Variants in ARHGAP17 observed in about 807,000 individuals in gnomAD.
ARHGAP17 encodes Rho GTPase activating protein 17.
A neutral mutation model predicts 99.5 loss-of-function variants in ARHGAP17; 57 were observed. That is an observed-to-expected ratio of 0.57 (90% confidence interval 0.46 to 0.71). The LOEUF (loss-of-function observed/expected upper bound fraction) is 0.71, where lower values mean the gene tolerates loss of function less well. Ranked by LOEUF, ARHGAP17 falls within the 30% of genes least tolerant of loss-of-function variation. The pLI is 0.00. For synonymous variants in ARHGAP17, 417 were observed against 429.6 expected, an observed-to-expected ratio of 0.97 and a Z score of 0.36; for missense variants, 1,000 against 1,122.4, an observed-to-expected ratio of 0.89 and a Z score of 1.56.
intron 4 of ARHGAP17, among the ~76,000 whole-genome samples, chr16:24,969,428 T>C (rs933943558): frequency 1.3e-5 from 2 of 152,116 alleles, no homozygotes; most frequent in Non-Finnish European, 2.9e-5. Context: ...GTCAGGAACA[T>C]GCTCTCTGGT....
intron 12 of ARHGAP17, among the ~76,000 whole-genome samples, chr16:24,951,528 C>A (rs1364478738): frequency 6.6e-6 from 1 of 152,120 alleles, no homozygotes; most frequent in Non-Finnish European, 1.5e-5. Context: ...CTCGGACAAT[C>A]TGAAAAAACT....
chr16:24,935,882 G>T, intron 17 of ARHGAP17: 1 of 494,768 alleles, frequency 2.0e-6, no homozygotes. Flanking sequence ...ATGTTGCCCA[G>T]GTTGGTCTCA....
At chr16:24,970,873 A>G (rs1433975502) in intron 3 of ARHGAP17, among the ~76,000 whole-genome samples, 1 of 151,908 alleles carries the variant, frequency 6.6e-6, no homozygotes, top group Non-Finnish European at 1.5e-5. Flanking sequence ...TCTGCTTATT[A>G]TTATTTTTGT....
At chr16:24,930,497 G>A (rs1018535482) in intron 19 of ARHGAP17, among the ~76,000 whole-genome samples, 1 of 152,156 alleles carries the variant, frequency 6.6e-6, no homozygotes, top group Non-Finnish European at 1.5e-5. Context: ...AAACTTAAAG[G>A]ACCAGGCAGT....
intron 14 of ARHGAP17, among the ~76,000 whole-genome samples, chr16:24,944,791 T>C (rs2051420252): frequency 6.6e-6 from 1 of 151,800 alleles, no homozygotes; most frequent in Admixed American, 6.6e-5. Flanking sequence ...TAATTTTTTG[T>C]ATTTTTAGTA....
intron 1 of ARHGAP17, among the ~76,000 whole-genome samples, chr16:25,003,067 C>G (rs918414259): frequency 7.8e-5 from 11 of 141,162 alleles, no homozygotes; most frequent in African/African-American, 2.3e-4. Context: ...AAAAGAGGCT[C>G]TAACAGGAGA....
chr16:24,935,782 T>A, intron 17 of ARHGAP17, 143 bp from the exon 18 acceptor site: 1 of 877,538 alleles, frequency 1.1e-6, no homozygotes, highest in Non-Finnish European at 1.8e-6. Flanking sequence ...TAGCTCACAC[T>A]GGGCTTATAA....
intron 10 of ARHGAP17, 91 bp downstream of exon 10, chr16:24,954,506 AAGCAGG>A: frequency 6.7e-7 from 1 of 1,484,792 alleles, no homozygotes; most frequent in Non-Finnish European, 9.0e-7. Context: ...CTGTATAACT[AAGCAGG>A]GGTGGACAGG....
intron 9 of ARHGAP17, among the ~76,000 whole-genome samples, chr16:24,958,757 C>A (rs191350541): frequency 7.9e-5 from 12 of 152,278 alleles, no homozygotes; most frequent in Non-Finnish European, 1.3e-4. Context: ...GCATCCCCCC[C>A]ACAACACACA....
intron 19 of ARHGAP17, among the ~76,000 whole-genome samples, chr16:24,922,683 AT>A (rs1160627456): frequency 5.3e-5 from 8 of 149,830 alleles, no homozygotes; most frequent in East Asian, 2.0e-4. Context: ...AAAAAAAAAA[AT>A]TTTTTTTTTG....
intron 1 of ARHGAP17, among the ~76,000 whole-genome samples, chr16:24,991,982 T>G (rs1404062850): frequency 6.6e-6 from 1 of 152,146 alleles, no homozygotes; most frequent in African/African-American, 2.4e-5. Flanking sequence ...AGAAGAGTGA[T>G]TAACTGTGTG....
intron 2 of ARHGAP17, 50 bp from the exon 3 acceptor site, chr16:24,977,369 GTGTCTGCATGC>G (rs768154358): frequency 6.9e-7 from 1 of 1,453,696 alleles, no homozygotes; most frequent in Non-Finnish European, 9.4e-7. Context: ...TTCTTTTGTG[GTGTCTGCATGC>G]TGGTAGGAAA....
At chr16:24,943,971 A>T in intron 14 of ARHGAP17, 109 bp from the exon 15 acceptor site, 1 of 1,062,640 alleles carries the variant, frequency 9.4e-7, no homozygotes, top group East Asian at 2.6e-5. Context: ...TATTTAAAAG[A>T]TGCAAAAATC....
At chr16:25,002,970 C>A (rs901886209) in intron 1 of ARHGAP17, among the ~76,000 whole-genome samples, 1 of 128,084 alleles carries the variant, frequency 7.8e-6, no homozygotes, top group South Asian at 2.8e-4. Context: ...ACCCAGGAGA[C>A]GGAGGTTGCA....
chr16:24,937,595 G>A (rs978650702), intron 17 of ARHGAP17, among the ~76,000 whole-genome samples: 8 of 152,184 alleles, frequency 5.3e-5, no homozygotes, highest in Admixed American at 2.0e-4. Flanking sequence ...GAGGTGCACG[G>A]GAAGCCCTAA....
rs78031822 is a variant in ARHGAP17 at position 24,948,223 on chromosome 16, AG to A, written c.1128-629del. Among the ~76,000 whole-genome samples, 12 of 152,366 alleles carry A rather than the reference AG, an allele frequency of 7.9e-5. No homozygotes were observed. In the East Asian group the frequency reaches 1.5e-3, roughly 20 times the overall value. On this transcript the variant is annotated intron_variant, in intron 13 of 19. Transcript: ENST00000289968. ...CTTAAGCTGTCAAGCAAAAAAGGTA[AG>A]GGGGAGAATGACGTATACAATATAC...
chr16:25,013,137 T>A (rs541189925), intron 1 of ARHGAP17, among the ~76,000 whole-genome samples: 1 of 152,246 alleles, frequency 6.6e-6, no homozygotes, highest in East Asian at 1.9e-4. Context: ...AGGCATCCAA[T>A]CTATGCTGTA....
chr16:24,995,202 A>G (rs1399653686), intron 1 of ARHGAP17, among the ~76,000 whole-genome samples: 1 of 152,216 alleles, frequency 6.6e-6, no homozygotes, highest in African/African-American at 2.4e-5. Flanking sequence ...GGGAACTACA[A>G]TTCAAGATGA....
chr16:24,938,574 G>A (rs1411191217), intron 17 of ARHGAP17, among the ~76,000 whole-genome samples: 1 of 151,858 alleles, frequency 6.6e-6, no homozygotes, highest in South Asian at 2.1e-4. Context: ...GATCAGCCTG[G>A]GCAACCTAGG....
Sources: gnomAD v4.1 joint callset for allele counts (sites outside exome capture counted in the v4.1 genomes callset) on GRCh38, gnomAD v4.1.1 for gene constraint, MANE v1.5 for transcripts, NCBI Gene and HGNC (gene_info 2026-07-23, HGNC 2026-07-21) for gene names.